The following CSMD1 variants were observed in gnomAD, a reference collection of about 807,000 sequenced individuals.
CSMD1 encodes the protein CUB and Sushi multiple domains 1.
In CSMD1, 213 loss-of-function variants were observed where a neutral mutation model predicts 417.5. The observed-to-expected ratio is 0.51, with a 90% CI of 0.46 to 0.57. CSMD1 has a LOEUF of 0.57. Ranked by LOEUF, CSMD1 falls within the 20% of genes least tolerant of loss-of-function variation. The pLI is 0.00. For synonymous variants in CSMD1, 2,862 were observed against 1,736.8 expected (o/e 1.65, Z -16.11); for missense variants, 6,923 against 4,529.7 (o/e 1.53, Z -15.17).
intron 2 of CSMD1, among the ~76,000 whole-genome samples, chr8:4,432,444 T>C (rs1585065298): frequency 6.6e-6 from 1 of 152,136 alleles, no homozygotes; most frequent in African/African-American, 2.4e-5. Context: ...TGAAAAGAAA[T>C]GGACTAATGA....
chr8:4,875,384 C>A (rs182306723), intron 1 of CSMD1, among the ~76,000 whole-genome samples: 36 of 152,142 alleles, frequency 2.4e-4, no homozygotes, highest in Non-Finnish European at 3.7e-4. Context: ...TTCTATCAAG[C>A]CTTTATTTCT....
At chr8:3,324,321 C>T (rs1164253223) in intron 23 of CSMD1, among the ~76,000 whole-genome samples, 8 of 151,742 alleles carry the variant, frequency 5.3e-5, no homozygotes, top group Admixed American at 5.3e-4. Flanking sequence ...GTTTCCTTCA[C>T]CCCACTAGTC....
chr8:4,099,206 G>A (rs112016904), intron 3 of CSMD1, among the ~76,000 whole-genome samples: 18 of 148,480 alleles, frequency 1.2e-4, no homozygotes, highest in African/African-American at 3.7e-4. Context: ...ACACACACAC[G>A]CACACACACA....
chr8:3,337,420 A>T (rs1381012131), intron 23 of CSMD1, among the ~76,000 whole-genome samples: 1 of 152,188 alleles, frequency 6.6e-6, no homozygotes, highest in African/African-American at 2.4e-5. Flanking sequence ...TCTCAGCCAC[A>T]AGGTTTATTC....
At chr8:4,272,521 C>A (rs1804669423) in intron 3 of CSMD1, among the ~76,000 whole-genome samples, 2 of 152,032 alleles carry the variant, frequency 1.3e-5, no homozygotes, top group Non-Finnish European at 2.9e-5. Context: ...ACATAGAAAC[C>A]ACATGCATAA....
intron 3 of CSMD1, among the ~76,000 whole-genome samples, chr8:4,219,883 T>C (rs944456912): frequency 6.6e-6 from 1 of 152,202 alleles, no homozygotes; most frequent in Non-Finnish European, 1.5e-5. Context: ...CTCGAATTAA[T>C]ACCAGGTGGA....
At chr8:2,993,644 G>A (rs913555941) in intron 54 of CSMD1, among the ~76,000 whole-genome samples, 6 of 152,122 alleles carry the variant, frequency 3.9e-5, no homozygotes, top group Middle Eastern at 3.2e-3. Context: ...AAGGTCTCCC[G>A]GGACGTATAG....
intron 4 of CSMD1, among the ~76,000 whole-genome samples, chr8:4,007,546 C>T (rs1258918599): frequency 1.3e-5 from 2 of 152,210 alleles, no homozygotes. Flanking sequence ...CTTCCCACCT[C>T]TCCATCCTGT....
At chr8:3,559,002 C>A (rs117821275) in intron 10 of CSMD1, among the ~76,000 whole-genome samples, 5 of 152,098 alleles carry the variant, frequency 3.3e-5, no homozygotes, top group African/African-American at 1.2e-4. Context: ...GTGGGACTGC[C>A]GTGGTGGTCT....
chr8:4,309,216 A>T (rs931231939), intron 3 of CSMD1, among the ~76,000 whole-genome samples: 1 of 152,100 alleles, frequency 6.6e-6, no homozygotes. Context: ...TCAGTTTGAT[A>T]TTACCGTTAA....
chr8:3,655,432 A>T (rs2117411423), intron 7 of CSMD1, among the ~76,000 whole-genome samples: 1 of 152,350 alleles, frequency 6.6e-6, no homozygotes, highest in Non-Finnish European at 1.5e-5. Context: ...TAATTAGTTT[A>T]TAGCATATTT....
intron 3 of CSMD1, among the ~76,000 whole-genome samples, chr8:4,401,149 G>A (rs1017155532): frequency 1.3e-5 from 2 of 152,082 alleles, no homozygotes; most frequent in South Asian, 2.1e-4. Context: ...GCTGGGAGTC[G>A]AGGATTCATC....
intron 3 of CSMD1, among the ~76,000 whole-genome samples, chr8:4,288,950 G>C (rs984626767): frequency 1.3e-5 from 2 of 152,070 alleles, no homozygotes; most frequent in African/African-American, 4.8e-5. Flanking sequence ...CTAATAGTGT[G>C]GCAGCTGTAA....
At chr8:4,180,992 C>G (rs139470482) in intron 3 of CSMD1, among the ~76,000 whole-genome samples, 86 of 152,082 alleles carry the variant, frequency 5.7e-4, no homozygotes, top group African/African-American at 1.9e-3. Flanking sequence ...ATTTCCGTAC[C>G]CACTATTATG....
At chr8:4,700,272 C>G (rs1336882422) in intron 1 of CSMD1, among the ~76,000 whole-genome samples, 2 of 151,942 alleles carry the variant, frequency 1.3e-5, no homozygotes, top group Non-Finnish European at 2.9e-5. Context: ...AGGTGAAACT[C>G]AAATTTTGTG....
intron 2 of CSMD1, among the ~76,000 whole-genome samples, chr8:4,484,980 C>CAAAAAAAAAAAAAAAAAAAAAAAAAAAAA (rs57398278): frequency 1.9e-5 from 1 of 53,940 alleles, no homozygotes; most frequent in Non-Finnish European, 3.1e-5. Context: ...GACTCTGCCT[C>CAAAAAAAAAAAAAAAAAAAAAAAAAAAAA]AAAAAAAAAA....
intron 39 of CSMD1, among the ~76,000 whole-genome samples, chr8:3,154,233 G>A (rs891315013): frequency 1.6e-4 from 25 of 152,258 alleles, no homozygotes; most frequent in African/African-American, 6.0e-4. Flanking sequence ...TCGGCCTCCC[G>A]AAGTGAGGGG....
intron 3 of CSMD1, among the ~76,000 whole-genome samples, chr8:4,292,788 C>A (rs1013191829): frequency 2.6e-5 from 4 of 152,128 alleles, no homozygotes; most frequent in African/African-American, 9.7e-5. Context: ...TCAGTAGTCC[C>A]AACCATGTAT....
At chr8:3,959,648 G>T (rs1213322876) in intron 5 of CSMD1, among the ~76,000 whole-genome samples, 1 of 152,146 alleles carries the variant, frequency 6.6e-6, no homozygotes, top group Non-Finnish European at 1.5e-5. Flanking sequence ...TTTTTGCCAT[G>T]CTTTCTCTTA....
Sources: allele counts gnomAD v4.1 joint callset (sites outside exome capture counted in the v4.1 genomes callset), GRCh38; gene constraint gnomAD v4.1.1; transcripts MANE v1.5; gene names NCBI Gene and HGNC (gene_info 2026-07-23, HGNC 2026-07-21).